Variants in ASIC1 observed in about 807,000 individuals in gnomAD.
ASIC1 encodes the protein acid-sensing ion channel 1.
In ASIC1, 21 loss-of-function variants were observed where a neutral mutation model predicts 63.4. The observed-to-expected ratio is 0.33, with a 90% CI of 0.23 to 0.48. The LOEUF (loss-of-function observed/expected upper bound fraction) is 0.48. ASIC1 is among the 20% of genes least tolerant of loss of function. The pLI is 0.99. For synonymous variants in ASIC1, 258 were observed against 278.2 expected, an observed-to-expected ratio of 0.93 and a Z score of 0.72; for missense variants, 478 against 695.5, an observed-to-expected ratio of 0.69 and a Z score of 3.52.
chr12:50,061,201 C>A (rs867104112), intron 3 of ASIC1, among the ~76,000 whole-genome samples: 1 of 152,174 alleles, frequency 6.6e-6, no homozygotes, highest in Non-Finnish European at 1.5e-5. Flanking sequence ...TTGCTTGCTT[C>A]CTCCTGCAGT....
chr12:50,076,958 C>T (rs1431380420), intron 3 of ASIC1: 2 of 635,528 alleles, frequency 3.1e-6, no homozygotes, highest in Non-Finnish European at 5.8e-6. Flanking sequence ...CAACTGTCAA[C>T]CCCAACTAGA....
intron 3 of ASIC1, among the ~76,000 whole-genome samples, chr12:50,065,253 C>T (rs968355419): frequency 1.3e-5 from 2 of 152,032 alleles, no homozygotes; most frequent in South Asian, 2.1e-4. Flanking sequence ...TGACCTATAA[C>T]GTCCCAGTCA....
rs752727617 is a variant in ASIC1 at position 50,059,833 on chromosome 12, G to A, written c.437G>A (p.Ser146Asn). ...EILQDKANFR[S>N]FKPKPFNMRE... ...CTGCAGGACAAAGCCAACTTCCGCA[G>A]CTTCAAACCCAAACCCTTCAACATG... The change falls in exon 3 of 12, where the codon AGC becomes AAC. Residue 146 changes from serine to asparagine, a missense_variant. This residue lies in a region of ASIC1 where 290 missense variants were observed against 414.9 expected (regional missense o/e 0.70). Transcript: ENST00000447966. This position sits in a 1 kb window ranked among gnomAD's most constrained non-coding sequence, Gnocchi z 4.6. 6.2e-7 allele frequency: 1 copy of A among 1,614,206 alleles called. No homozygotes were observed. Among genetic ancestry groups the A allele is most frequent in the Non-Finnish European group, 8.5e-7 (1 of 1,180,036 alleles).
In ASIC1 at chr12:50,074,349, T is replaced by C; in HGVS notation, c.559-2864T>C. 1 of 1,420,330 alleles carries C rather than the reference T, an allele frequency of 7.0e-7. No homozygotes were observed. The highest frequency in any genetic ancestry group is 9.2e-7 in the Non-Finnish European group (1 of 1,089,956). 88.0% of individuals were successfully genotyped at this position (1,420,330 alleles called of 1,614,324 possible). A position where few individuals can be genotyped will look rare whatever the true frequency, so the allele number is the denominator to read the frequency against. On this transcript the variant is annotated intron_variant, in intron 3 of 11. Transcript: ENST00000447966. This position sits in a 1 kb window ranked among gnomAD's most constrained non-coding sequence, Gnocchi z 4.2. ...GGGCTGGGGCTGGGGCTGGGGCTGA[T>C]GACTGTGCTGCCCCCTACCTCATCT... is the stretch of plus-strand genomic sequence containing the variant.
At chr12:50,064,172 T>C (rs1950525179) in intron 3 of ASIC1, among the ~76,000 whole-genome samples, 1 of 152,092 alleles carries the variant, frequency 6.6e-6, no homozygotes, top group Admixed American at 6.5e-5. Flanking sequence ...TCATGAACTT[T>C]GGGGGAAGGG....
intron 3 of ASIC1, among the ~76,000 whole-genome samples, chr12:50,066,507 G>T (rs1412924565): frequency 6.6e-6 from 1 of 152,106 alleles, no homozygotes; most frequent in Admixed American, 6.5e-5. Flanking sequence ...TCTTTTCATT[G>T]CATCATCAGG....
intron 9 of ASIC1, 29 bp downstream of exon 9, chr12:50,080,618 C>T (rs1950705526): frequency 1.9e-6 from 3 of 1,614,246 alleles, no homozygotes; most frequent in Non-Finnish European, 2.5e-6. Flanking sequence ...CTGTCCCCTT[C>T]TCATGCCATG....
Position 50,080,576 on chromosome 12 carries a change from T to G in ASIC1, c.1284T>G (p.Ile428Met). ...TTGAACAGAAGAAGGCCTATGAGAT[T>G]GCAGGGCTCCTGGGTGAGCTGCTGA... ...ETIEQKKAYE[I>M]AGLLGDIGGQ... The change falls in exon 9 of 12, where the codon ATT becomes ATG. Residue 428 changes from isoleucine (I) to methionine (M), a missense_variant. Physicochemically the swap from Ile to Met is conservative, Grantham distance 10. Transcript: ENST00000447966. 6.2e-7 allele frequency: 1 copy of G among 1,614,184 alleles called. No homozygotes were observed. The highest frequency in any genetic ancestry group is 1.1e-5 in the South Asian group (1 of 91,086).
chr12:50,069,695 G>A (rs958706598), intron 3 of ASIC1, among the ~76,000 whole-genome samples: 6 of 150,682 alleles, frequency 4.0e-5, no homozygotes, highest in African/African-American at 1.2e-4. Context: ...CACTCTGATA[G>A]AGTCATTTTT....
Position 50,074,176 on chromosome 12 carries a change from C to A in ASIC1, c.559-3037C>A. 6.5e-7 allele frequency: 1 copy of A among 1,533,714 alleles called. No homozygotes were observed. The highest frequency in any genetic ancestry group is 8.7e-7 in the Non-Finnish European group (1 of 1,145,578). ...CCGCTTCTACAATCGCTCCTGCCAC[C>A]GGCTGGAGGACATGCTGCTCTATTG... On this transcript the variant is annotated intron_variant, in intron 3 of 11. Coordinates refer to ENST00000447966, the MANE Select transcript of ASIC1 (RefSeq NM_001095.4). This position sits in a 1 kb window ranked among gnomAD's most constrained non-coding sequence, Gnocchi z 4.2.
At chr12:50,072,453 T>C (rs898411764) in intron 3 of ASIC1, among the ~76,000 whole-genome samples, 1 of 150,966 alleles carries the variant, frequency 6.6e-6, no homozygotes, top group African/African-American at 2.4e-5. Flanking sequence ...GGGCAGGGAA[T>C]GGTAAATTAG....
rs1950684556 is a variant in ASIC1, at chr12:50,078,739, A to G, written c.994+162A>G. 1.5e-6 allele frequency: 2 copies of G among 1,347,662 alleles called. No individual in the cohort carries two copies. Among genetic ancestry groups the G allele is most frequent in the African/African-American group, 2.9e-5 (2 of 69,138 alleles). The allele number at this position is 1,347,662 out of a possible 1,614,324, so 83.5% of individuals were successfully genotyped here. A position where few individuals can be genotyped will look rare whatever the true frequency, so the allele number is the denominator to read the frequency against. On this transcript the variant is annotated intron_variant, in intron 6 of 11. Coordinates refer to ENST00000447966, the MANE Select transcript of ASIC1 (RefSeq NM_001095.4). This position sits in a 1 kb window ranked among gnomAD's most constrained non-coding sequence, Gnocchi z 6.0. ...GACCTCAGTTCCCGCCTGCACCCCCAGGGATGGGTGGGAAGGGTCTAGAAG... is the reference window on the plus strand; with the variant it reads ...GACCTCAGTTCCCGCCTGCACCCCCGGGGATGGGTGGGAAGGGTCTAGAAG...
intron 3 of ASIC1, chr12:50,070,804 A>C (rs1243775570): frequency 2.6e-5 from 4 of 152,480 alleles, no homozygotes; most frequent in African/African-American, 9.6e-5. Context: ...CTGCCCTCTG[A>C]GAGCTCAAGA....
intron 4 of ASIC1, 150 bp downstream of exon 4, chr12:50,077,513 G>A: frequency 1.7e-6 from 2 of 1,180,476 alleles, no homozygotes; most frequent in South Asian, 3.2e-5. Flanking sequence ...GACTCTACCT[G>A]ACTTCCACAC....
chr12:50,060,018 G>A, intron 3 of ASIC1, 64 bp downstream of exon 3: 4 of 1,579,232 alleles, frequency 2.5e-6, no homozygotes, highest in Non-Finnish European at 3.5e-6. Context: ...GAGACAAGGA[G>A]CAGGCTGGGC....
rs745763141 is a variant in ASIC1, at chr12:50,074,022, G to A, written c.559-3191G>A. On this transcript the variant is annotated intron_variant, in intron 3 of 11. Coordinates refer to ENST00000447966, the MANE Select transcript of ASIC1 (RefSeq NM_001095.4). This position sits in a 1 kb window ranked among gnomAD's most constrained non-coding sequence, Gnocchi z 4.2. Reference sequence around the variant, plus strand: ...TCTGCAACACTAATGCTGTGCGGCTGTCCCAGCTCAGCTACCCTGACTTGC... The same window carrying A: ...TCTGCAACACTAATGCTGTGCGGCTATCCCAGCTCAGCTACCCTGACTTGC... 517 of 1,534,728 alleles carry A rather than the reference G, an allele frequency of 3.4e-4. No homozygotes were observed. The highest frequency in any genetic ancestry group is 4.1e-4 in the Non-Finnish European group (474 of 1,145,982).
At position 50,081,628 on chromosome 12, in the gene ASIC1, G is replaced by T. The variant is rs202163947; in HGVS notation, c.1566G>T (p.Thr522=). ...TACCTCACCATCCGGCCCGAGGCAC[G>T]TTCGAGGACTTTACCTGCTGAGCCC... is the stretch of plus-strand genomic sequence containing the variant. ...NILPHHPARG[T]FEDFTC is the part of the protein sequence containing the mutation. The change falls in exon 12 of 12, where the codon ACG becomes ACT. Residue 522 remains threonine (T), a synonymous_variant. Transcript: ENST00000447966. 6 of 1,614,002 alleles carry T rather than the reference G, an allele frequency of 3.7e-6. No homozygotes were observed. The highest frequency in any genetic ancestry group is 1.1e-5 in the South Asian group (1 of 91,058).
rs1435673149 is a variant in ASIC1, at chr12:50,059,869, A to G, written c.473A>G (p.Tyr158Cys). 1.2e-6 allele frequency: 2 copies of G among 1,614,064 alleles called. No homozygotes were observed. The highest frequency in any genetic ancestry group is 1.3e-5 in the African/African-American group (1 of 74,914). The change falls in exon 3 of 12, where the codon TAC becomes TGC. Residue 158 changes from tyrosine (Y) to cysteine (C), a missense_variant. Physicochemically the swap from Tyr to Cys is radical, Grantham distance 194 (BLOSUM62 -2). Around this residue, in one of 3 missense-constraint regions of ASIC1, gnomAD observed 290 missense variants for 414.9 expected, o/e 0.70. Coordinates refer to ENST00000447966, the MANE Select transcript of ASIC1 (RefSeq NM_001095.4). The surrounding 1 kb of genome is among the most constrained non-coding windows in gnomAD (Gnocchi z 4.6). ...KPKPFNMREF[Y>C]DRAGHDIRDM... is the part of the protein sequence containing the mutation. ...AAACCCTTCAACATGCGTGAGTTCT[A>G]CGACCGAGCTGGGCACGACATTCGA...
chr12:50,067,410 GTTTT>G (rs35238318), intron 3 of ASIC1, among the ~76,000 whole-genome samples: 2 of 134,192 alleles, frequency 1.5e-5, no homozygotes, highest in African/African-American at 2.8e-5. Context: ...TTCTGCTGTT[GTTTT>G]TTTTTTTTTT....
Sources: gnomAD v4.1 joint callset for allele counts (sites outside exome capture counted in the v4.1 genomes callset) on GRCh38, gnomAD v4.1.1 for gene constraint, gnomAD v4.1.1 regional missense constraint, Gnocchi (gnomAD v3.1) non-coding constraint, MANE v1.5 for transcripts, NCBI Gene and HGNC (gene_info 2026-07-23, HGNC 2026-07-21) for gene names.